The following PRRX1 variants were observed in gnomAD, a reference collection of about 807,000 sequenced individuals.
PRRX1 encodes the protein paired related homeobox 1.
Under a neutral mutation model 24.0 loss-of-function variants are expected in PRRX1, and 8 were observed. The observed-to-expected ratio is 0.33, with a 90% CI of 0.20 to 0.60. The LOEUF (loss-of-function observed/expected upper bound fraction) is 0.60, where lower values mean the gene tolerates loss of function less well. Among genes scored for constraint, PRRX1 ranks in the 20% least tolerant of loss-of-function variants. The pLI is 0.82. For missense variants in PRRX1, 281 were observed against 322.4 expected (o/e 0.87, Z 0.98); for synonymous variants, 160 against 131.7 (o/e 1.22, Z -1.47).
intron 1 of PRRX1, among the ~76,000 whole-genome samples, chr1:170,666,337 A>T (rs1009245577): frequency 2.0e-5 from 3 of 146,562 alleles, no homozygotes; most frequent in Admixed American, 7.0e-5. Context: ...AGAATCGCTT[A>T]AACCCGGGAA....
Position 170,737,533 on chromosome 1 carries a change from A to G in PRRX1, c.*1347A>G, listed in dbSNP as rs1003871664. On this transcript the variant is annotated 3_prime_UTR_variant, in exon 4 of 4. Transcript: ENST00000239461. Reference sequence around the variant, plus strand: ...CCATTTAGTCATCTATCCGTTCTTCACTTAGCAGGAATATGAAAGAAAGGC... The same window carrying G: ...CCATTTAGTCATCTATCCGTTCTTCGCTTAGCAGGAATATGAAAGAAAGGC... 4.8e-6 allele frequency: 1 copy of G among 209,934 alleles called. No homozygotes were observed. The highest frequency in any genetic ancestry group is 9.7e-6 in the Non-Finnish European group (1 of 103,252). 13.0% of individuals were successfully genotyped at this position (209,934 alleles called of 1,614,324 possible).
chr1:170,689,875 TGTGG>T (rs1653878140), intron 1 of PRRX1, among the ~76,000 whole-genome samples: 1 of 149,230 alleles, frequency 6.7e-6, no homozygotes, highest in African/African-American at 2.5e-5. Context: ...TCTCTCTCTC[TGTGG>T]GTGTGTGTGT....
At chr1:170,712,287 T>C (rs1305185065) in intron 1 of PRRX1, among the ~76,000 whole-genome samples, 2 of 152,140 alleles carry the variant, frequency 1.3e-5, no homozygotes, top group Non-Finnish European at 2.9e-5. Flanking sequence ...AATGGAACTT[T>C]TGGGGCAAAC....
intron 1 of PRRX1, among the ~76,000 whole-genome samples, chr1:170,716,583 C>CAA (rs1010022653): frequency 2.1e-3 from 214 of 100,756 alleles, no homozygotes; most frequent in African/African-American, 5.4e-3. Context: ...GACTCCATCT[C>CAA]AAAAAAAAAA....
intron 1 of PRRX1, among the ~76,000 whole-genome samples, chr1:170,718,777 A>G (rs1337309465): frequency 6.6e-6 from 1 of 152,194 alleles, no homozygotes; most frequent in Non-Finnish European, 1.5e-5. Context: ...CTGGTATTCC[A>G]TTCAGTTTCA....
intron 1 of PRRX1, among the ~76,000 whole-genome samples, chr1:170,674,626 A>G (rs1381373659): frequency 6.6e-6 from 1 of 152,034 alleles, no homozygotes; most frequent in Non-Finnish European, 1.5e-5. Flanking sequence ...GAAAAGGTGT[A>G]TTCTGCAGTG....
At chr1:170,720,834 A>G (rs1655058880) in intron 2 of PRRX1, among the ~76,000 whole-genome samples, 1 of 152,236 alleles carries the variant, frequency 6.6e-6, no homozygotes, top group Non-Finnish European at 1.5e-5. Flanking sequence ...TGACACACCA[A>G]CTGCAAGCCA....
rs547151958 is a variant in PRRX1, at chr1:170,664,406, G to A, written c.188G>A (p.Ser63Asn). Residue 63 changes from serine to asparagine, a missense_variant, in exon 1 of 4, where the codon AGC (serine) becomes AAC (asparagine). Coordinates refer to ENST00000239461, the MANE Select transcript of PRRX1 (RefSeq NM_022716.4). ...GAGAACGTGGGCGAGGCTGGCCGGA[G>A]CCTGCTGGAGTCGCCGGGACTCACC... ...ADENVGEAGRSLLESPGLTSG... is the reference protein window; with the variant it reads ...ADENVGEAGRNLLESPGLTSG... 1.9e-6 allele frequency: 3 copies of A among 1,612,048 alleles called. No individual in the cohort carries two copies. In the African/African-American group the frequency reaches 4.0e-5, roughly 21 times the overall value.
intron 3 of PRRX1, chr1:170,728,110 C>A (rs1033458741): frequency 2.0e-5 from 3 of 152,112 alleles, no homozygotes; most frequent in African/African-American, 7.2e-5. Context: ...TCCATAGGAA[C>A]TTTTCATACC....
intron 3 of PRRX1, among the ~76,000 whole-genome samples, chr1:170,729,622 A>G (rs551523524): frequency 6.6e-6 from 1 of 152,340 alleles, no homozygotes; most frequent in African/African-American, 2.4e-5. Context: ...GGTATAAGCC[A>G]GGATTGTCCC....
chr1:170,698,605 C>T (rs1654251823), intron 1 of PRRX1, among the ~76,000 whole-genome samples: 1 of 152,124 alleles, frequency 6.6e-6, no homozygotes. Flanking sequence ...AGAGGAGTAA[C>T]ACCGTATTAT....
chr1:170,713,587 T>C (rs1435354373), intron 1 of PRRX1, among the ~76,000 whole-genome samples: 1 of 152,126 alleles, frequency 6.6e-6, no homozygotes, highest in Non-Finnish European at 1.5e-5. Flanking sequence ...GTTGGCTATA[T>C]TGAGAAAGTT....
At chr1:170,664,557 G>T in intron 1 of PRRX1, 98 bp downstream of exon 1, 1 of 1,484,434 alleles carries the variant, frequency 6.7e-7, no homozygotes, top group Non-Finnish European at 9.0e-7. Context: ...AGAAAGACAA[G>T]GTCCTGGGAC....
chr1:170,696,641 T>C (rs1382611970), intron 1 of PRRX1, among the ~76,000 whole-genome samples: 1 of 152,174 alleles, frequency 6.6e-6, no homozygotes, highest in Non-Finnish European at 1.5e-5. Flanking sequence ...CCTATAAAAT[T>C]TTAAAGGTTC....
At chr1:170,705,710 G>T (rs2101907521) in intron 1 of PRRX1, among the ~76,000 whole-genome samples, 1 of 152,286 alleles carries the variant, frequency 6.6e-6, no homozygotes, top group East Asian at 1.9e-4. Flanking sequence ...AGCAGATACA[G>T]TTAGTACTGT....
At chr1:170,720,085 T>C (rs1655032417) in intron 2 of PRRX1, among the ~76,000 whole-genome samples, 184 bp downstream of exon 2, 1 of 151,902 alleles carries the variant, frequency 6.6e-6, no homozygotes, top group Admixed American at 6.6e-5. Context: ...CTGGGCAACA[T>C]AGTGAGACCT....
Position 170,734,612 on chromosome 1 carries a change from C to T in PRRX1, c.600-1436C>T, listed in dbSNP as rs1207175311. ...AACTGAAATAGAAGAAGGTAGGATC[C>T]TTTTGAAACCTTTCTGAGTCTCCTG... On this transcript the variant is annotated intron_variant, in intron 3 of 3. Transcript: ENST00000239461. Among the ~76,000 whole-genome samples, 9 of 151,900 alleles carry T rather than the reference C, an allele frequency of 5.9e-5. No homozygotes were observed. In the South Asian group the frequency reaches 1.2e-3, roughly 21 times the overall value.
chr1:170,731,272 A>G (rs1655428833), intron 3 of PRRX1, among the ~76,000 whole-genome samples: 1 of 152,182 alleles, frequency 6.6e-6, no homozygotes, highest in African/African-American at 2.4e-5. Flanking sequence ...TGCAACTTCT[A>G]TGCATCACAG....
At chr1:170,670,324 C>T (rs1379773833) in intron 1 of PRRX1, among the ~76,000 whole-genome samples, 2 of 152,186 alleles carry the variant, frequency 1.3e-5, no homozygotes, top group South Asian at 2.1e-4. Flanking sequence ...TAAAATCAAA[C>T]GGCTTGGTGA....
Sources: gnomAD v4.1 joint callset for allele counts (sites outside exome capture counted in the v4.1 genomes callset) on GRCh38, gnomAD v4.1.1 for gene constraint, MANE v1.5 for transcripts, NCBI Gene and HGNC (gene_info 2026-07-23, HGNC 2026-07-21) for gene names.